The following TEAD1 variants were observed in gnomAD, a reference collection of about 807,000 sequenced individuals.
The protein encoded by TEAD1 is transcriptional enhancer factor TEF-1.
In TEAD1, 9 loss-of-function variants were observed where a neutral mutation model predicts 54.9. The ratio of observed to expected loss-of-function variants is 0.16; its 90% CI spans 0.10 to 0.29. The LOEUF is 0.29. TEAD1 is among the 10% of genes least tolerant of loss of function. The probability of loss-of-function intolerance (pLI) is 1.00; values close to 1 mark genes in which losing one functional copy is unlikely to be tolerated. For missense variants in TEAD1, 387 were observed against 535.9 expected (o/e 0.72, Z 2.74); for synonymous variants, 200 against 187.8 (o/e 1.07, Z -0.53).
chr11:12,820,031 A>T (rs1335116784), intron 3 of TEAD1, among the ~76,000 whole-genome samples: 4 of 29,056 alleles, frequency 1.4e-4, no homozygotes, highest in African/African-American at 5.8e-4. Context: ...TGGGGCAGGG[A>T]GTTGTGGGGA....
intron 3 of TEAD1, among the ~76,000 whole-genome samples, chr11:12,821,278 C>G (rs1005492567): frequency 1.3e-5 from 2 of 152,172 alleles, no homozygotes; most frequent in African/African-American, 4.8e-5. Flanking sequence ...TATATGAAAA[C>G]GAGAAGTTCA....
chr11:12,915,335 C>G (rs556131749), intron 10 of TEAD1, among the ~76,000 whole-genome samples: 3 of 152,144 alleles, frequency 2.0e-5, no homozygotes, highest in Non-Finnish European at 4.4e-5. Flanking sequence ...CTTCCTGATC[C>G]TTCTGCCCCC....
intron 2 of TEAD1, among the ~76,000 whole-genome samples, chr11:12,736,115 A>G (rs1043172990): frequency 1.3e-5 from 2 of 152,176 alleles, no homozygotes; most frequent in African/African-American, 2.4e-5. Flanking sequence ...GATTGTGACA[A>G]TTGTTTACTC....
At chr11:12,744,823 A>G (rs1396357987) in intron 2 of TEAD1, among the ~76,000 whole-genome samples, 3 of 152,226 alleles carry the variant, frequency 2.0e-5, no homozygotes. Flanking sequence ...TCGGTGGGAT[A>G]AAAATAAGAG....
intron 2 of TEAD1, among the ~76,000 whole-genome samples, chr11:12,736,087 T>C (rs1944524956): frequency 1.3e-5 from 2 of 152,222 alleles, no homozygotes; most frequent in Admixed American, 1.3e-4. Flanking sequence ...AGAAAAACTT[T>C]TATTAAAACG....
chr11:12,932,885 C>T (rs1949034172), intron 12 of TEAD1, among the ~76,000 whole-genome samples: 1 of 152,022 alleles, frequency 6.6e-6, no homozygotes, highest in Non-Finnish European at 1.5e-5. Flanking sequence ...CTACTTTTTA[C>T]CTTTTATACC....
intron 2 of TEAD1, among the ~76,000 whole-genome samples, chr11:12,761,420 A>G (rs1027349115): frequency 2.0e-5 from 3 of 152,242 alleles, no homozygotes; most frequent in Non-Finnish European, 2.9e-5. Context: ...GTGTGCAGTT[A>G]TGATTCAGAA....
At chr11:12,916,418 CAGTGTCTCT>C (rs2134150198) in intron 10 of TEAD1, among the ~76,000 whole-genome samples, 1 of 152,264 alleles carries the variant, frequency 6.6e-6, no homozygotes, top group South Asian at 2.1e-4. Flanking sequence ...GGAAAGGTGT[CAGTGTCTCT>C]AGATGTGATT....
In TEAD1 at chr11:12,941,587, C is replaced by G. The variant is rs1949162764; in HGVS notation, c.*4365C>G. 1 of 152,614 alleles carries G rather than the reference C, an allele frequency of 6.6e-6. No homozygotes were observed. Among genetic ancestry groups the G allele is most frequent in the African/African-American group, 2.4e-5 (1 of 41,434 alleles). 9.5% of individuals were successfully genotyped at this position (152,614 alleles called of 1,614,324 possible). A position where few individuals can be genotyped will look rare whatever the true frequency, so the allele number is the denominator to read the frequency against. ...TTTTGTATATGCTCTGGTACACTAC[C>G]TGAACTAACGAAGGGTAGAACTAAT... On this transcript the variant is annotated 3_prime_UTR_variant, in exon 13 of 13. Coordinates refer to ENST00000527636, the MANE Select transcript of TEAD1 (RefSeq NM_021961.6).
At chr11:12,679,919 A>T (rs769517162) in intron 2 of TEAD1, among the ~76,000 whole-genome samples, 1 of 152,200 alleles carries the variant, frequency 6.6e-6, no homozygotes, top group Non-Finnish European at 1.5e-5. Flanking sequence ...TCTGTATCCA[A>T]GCATTTTTGT....
At position 12,898,372 on chromosome 11, in the gene TEAD1, T is replaced by G. The variant is rs184980527; in HGVS notation, c.700-3568T>G. 6.1e-3 allele frequency among the ~76,000 whole-genome samples: 924 copies of G among 152,094 alleles called. 7 individuals are homozygous for G. The highest frequency in any genetic ancestry group is 8.5e-3 in the Non-Finnish European group (581 of 68,004). ...TAATAAACTATAACAATGGTCATCT[T>G]AGCTATAATTTATTGAACATGAACA... On this transcript the variant is annotated intron_variant, in intron 9 of 12. Transcript: ENST00000527636.
intron 2 of TEAD1, among the ~76,000 whole-genome samples, chr11:12,743,418 A>C (rs1266312703): frequency 6.6e-6 from 1 of 152,208 alleles, no homozygotes; most frequent in African/African-American, 2.4e-5. Flanking sequence ...AATGATCTGA[A>C]AGTTCCTCAA....
chr11:12,691,967 T>A (rs944391137), intron 2 of TEAD1, among the ~76,000 whole-genome samples: 1 of 152,322 alleles, frequency 6.6e-6, no homozygotes, highest in Admixed American at 6.5e-5. Context: ...TTATCACTAG[T>A]CTATTATTTT....
chr11:12,903,191 G>A (rs935914594), intron 10 of TEAD1, among the ~76,000 whole-genome samples: 6 of 152,174 alleles, frequency 3.9e-5, no homozygotes, highest in African/African-American at 1.2e-4. Flanking sequence ...AAAAAGGCTC[G>A]TAGATCACCA....
chr11:12,893,657 CAGCAGCCCCTCTGT>C (rs1335183711), intron 9 of TEAD1, among the ~76,000 whole-genome samples: 1 of 152,016 alleles, frequency 6.6e-6, no homozygotes, highest in Non-Finnish European at 1.5e-5. Context: ...TCTGAGGAAG[CAGCAGCCCCTCTGT>C]AGAGATGGTG....
At chr11:12,769,219 C>G (rs370916139) in intron 3 of TEAD1, among the ~76,000 whole-genome samples, 284 of 152,150 alleles carry the variant, frequency 1.9e-3, no homozygotes, top group African/African-American at 6.4e-3. Flanking sequence ...ATTGTGAGGA[C>G]CAGCGAAGAT....
intron 12 of TEAD1, 31 bp downstream of exon 12, chr11:12,930,357 A>C: frequency 6.2e-7 from 1 of 1,613,588 alleles, no homozygotes. Flanking sequence ...CTCTGTGGGC[A>C]GATGCTGCCA....
intron 9 of TEAD1, among the ~76,000 whole-genome samples, chr11:12,899,639 ATT>A (rs1174795303): frequency 2.0e-5 from 3 of 152,062 alleles, no homozygotes; most frequent in Non-Finnish European, 4.4e-5. Flanking sequence ...TTTAAAAATA[ATT>A]TCTTCCTTCT....
At chr11:12,745,432 T>A (rs1564926010) in intron 2 of TEAD1, among the ~76,000 whole-genome samples, 1 of 152,152 alleles carries the variant, frequency 6.6e-6, no homozygotes, top group African/African-American at 2.4e-5. Flanking sequence ...GGACTCACAC[T>A]CCACTGGTGA....
Sources: gnomAD v4.1 joint callset for allele counts (sites outside exome capture counted in the v4.1 genomes callset) on GRCh38, gnomAD v4.1.1 for gene constraint, MANE v1.5 for transcripts, NCBI Gene and HGNC (gene_info 2026-07-23, HGNC 2026-07-21) for gene names.